Variants in CCDC171 observed in about 807,000 individuals in gnomAD.
CCDC171 encodes coiled-coil domain-containing protein 171.
In CCDC171, 177 loss-of-function variants were observed where a neutral mutation model predicts 168.2. The ratio of observed to expected loss-of-function variants is 1.05; its 90% confidence interval spans 0.93 to 1.19. CCDC171 has a LOEUF of 1.19. Ranked by LOEUF, CCDC171 falls within the 50% of genes most tolerant of loss-of-function variation. The pLI is 0.00. For synonymous variants in CCDC171, 687 were observed against 540.8 expected, an observed-to-expected ratio of 1.27 and a Z score of -3.75; for missense variants, 1,991 against 1,539.0, an observed-to-expected ratio of 1.29 and a Z score of -4.91.
intron 21 of CCDC171, among the ~76,000 whole-genome samples, chr9:15,825,518 G>T (rs914874887): frequency 1.3e-5 from 2 of 152,036 alleles, no homozygotes; most frequent in Non-Finnish European, 2.9e-5. Context: ...TTAATAAATT[G>T]GTCCAATGTC....
At chr9:15,645,068 A>T (rs2046928842) in intron 7 of CCDC171, among the ~76,000 whole-genome samples, 1 of 152,240 alleles carries the variant, frequency 6.6e-6, no homozygotes, top group African/African-American at 2.4e-5. Flanking sequence ...ATCAGGCAGC[A>T]ACATTGGCTG....
intron 4 of CCDC171, among the ~76,000 whole-genome samples, chr9:16,022,053 G>C (rs1833180194): frequency 6.6e-6 from 1 of 152,208 alleles, no homozygotes; most frequent in African/African-American, 2.4e-5. Context: ...GGAGAGAGAT[G>C]ATTTGGACAG....
chr9:16,104,618 A>G, the CCDC171 span, among the ~76,000 whole-genome samples: 2 of 152,056 alleles, frequency 1.3e-5, no homozygotes, highest in African/African-American at 2.4e-5. Flanking sequence ...CTGAAATTCC[A>G]TCATCCATCA....
chr9:15,587,617 A>G (rs187238953), intron 4 of CCDC171: 4 of 456,648 alleles, frequency 8.8e-6, no homozygotes, highest in East Asian at 6.9e-5. Flanking sequence ...AGGTTTCCCA[A>G]TAAATGAGCC....
At chr9:15,814,827 A>G (rs1422307587) in intron 21 of CCDC171, among the ~76,000 whole-genome samples, 1 of 152,220 alleles carries the variant, frequency 6.6e-6, no homozygotes, top group Non-Finnish European at 1.5e-5. Flanking sequence ...TTGAGCCTCT[A>G]CTATGTAAAA....
intron 16 of CCDC171, among the ~76,000 whole-genome samples, chr9:15,732,681 C>T (rs183244690): frequency 6.6e-6 from 1 of 152,082 alleles, no homozygotes; most frequent in East Asian, 1.9e-4. Context: ...AAATTTTATC[C>T]AAATACTTGC....
At chr9:15,885,579 C>G (rs1324599939) in intron 24 of CCDC171, 1 of 152,142 alleles carries the variant, frequency 6.6e-6, no homozygotes, top group Non-Finnish European at 1.5e-5. Flanking sequence ...GAAGGGTTAT[C>G]TACAAATGAG....
chr9:15,824,146 T>A (rs1236108552), intron 21 of CCDC171, among the ~76,000 whole-genome samples: 1 of 152,066 alleles, frequency 6.6e-6, no homozygotes, highest in African/African-American at 2.4e-5. Flanking sequence ...ACATGACATA[T>A]TGGCTTTTCA....
At position 16,030,035 on chromosome 9, in the gene CCDC171, C is replaced by T. The variant is rs554327474; in HGVS notation, n.999-5422C>T. Among the ~76,000 whole-genome samples the T allele has an allele frequency of 2.0e-5, 3 of 152,310 alleles. No individual in the cohort carries two copies. The South Asian group carries it at 6.2e-4, about 32-fold the overall frequency. Reference sequence around the variant, plus strand: ...GCACCTTTTGTTTGTGCTCACATGGCAGAAAGGCAAGAGGGCAAGGCGGCT... The same window carrying T: ...GCACCTTTTGTTTGTGCTCACATGGTAGAAAGGCAAGAGGGCAAGGCGGCT... On this transcript the variant is annotated intron_variant and non_coding_transcript_variant, in intron 6 of 9. Transcript: ENST00000486641.
At chr9:16,065,809 G>GGGGTGTGTGTGT (rs1554717490), downstream of CCDC171, among the ~76,000 whole-genome samples, 1 of 144,234 alleles carries the variant, frequency 6.9e-6, no homozygotes, top group African/African-American at 2.6e-5. Context: ...TTGTGTGCAT[G>GGGGTGTGTGTGT]GTGTGTGTGT....
At chr9:15,560,717 A>C (rs1243284058) in intron 1 of CCDC171, among the ~76,000 whole-genome samples, 1 of 152,134 alleles carries the variant, frequency 6.6e-6, no homozygotes, top group Non-Finnish European at 1.5e-5. Flanking sequence ...CCATCGTCTG[A>C]AGCCTTCTTC....
intron 3 of CCDC171, among the ~76,000 whole-genome samples, chr9:16,006,172 T>C (rs944902430): frequency 2.0e-5 from 3 of 152,168 alleles, no homozygotes; most frequent in African/African-American, 7.2e-5. Flanking sequence ...AAGAAGGTTC[T>C]AGACTGTTTG....
At chr9:16,072,651 C>T in the CCDC171 span, among the ~76,000 whole-genome samples, 1 of 152,158 alleles carries the variant, frequency 6.6e-6, no homozygotes, top group Non-Finnish European at 1.5e-5. Context: ...AGCCTCAACT[C>T]TTCTTGGGAC....
At position 15,709,121 on chromosome 9, in the gene CCDC171, C is replaced by A. The variant is rs187874932; in HGVS notation, c.1319-12648C>A. The stretch of plus-strand genomic sequence containing the variant: ...TAAAATTTAGAAGCTATTTGGCATC[C>A]ACAGTAGGCTACAAAAAGAAATGAC... On this transcript the variant is annotated intron_variant, in intron 11 of 25. Coordinates refer to ENST00000380701, the MANE Select transcript of CCDC171 (RefSeq NM_173550.4). Among the ~76,000 whole-genome samples, 33 of 152,120 alleles carry A rather than the reference C, an allele frequency of 2.2e-4. No homozygotes were observed. In the East Asian group the frequency reaches 5.2e-3, roughly 24 times the overall value.
At chr9:15,911,501 G>T (rs1286666294) in intron 24 of CCDC171, among the ~76,000 whole-genome samples, 1 of 152,136 alleles carries the variant, frequency 6.6e-6, no homozygotes, top group Non-Finnish European at 1.5e-5. Context: ...TAGGTTGCCT[G>T]TTCACTCTGA....
rs950943828 is a variant in CCDC171 at position 15,623,381 on chromosome 9, C to T, written c.790C>T (p.Gln264Ter). ...AACAAGTGAACTTGAATTTAGCACTCAACGAGAGGAACGCCTTAGAAAAGA... is the reference window on the plus strand; with the variant it reads ...AACAAGTGAACTTGAATTTAGCACTTAACGAGAGGAACGCCTTAGAAAAGA... ...RQTSELEFST[Q>*]REERLRKEFE... The change falls in exon 7 of 26, where the codon CAA becomes TAA. Residue 264 changes from glutamine to a stop codon, truncating the protein, a stop_gained. Coordinates refer to ENST00000380701, the MANE Select transcript of CCDC171 (RefSeq NM_173550.4). LOFTEE classifies it high-confidence loss of function. 6.2e-7 allele frequency: 1 copy of T among 1,610,854 alleles called. No homozygotes were observed. The highest frequency in any genetic ancestry group is 1.3e-5 in the African/African-American group (1 of 74,824).
intron 16 of CCDC171, among the ~76,000 whole-genome samples, chr9:15,742,528 G>C (rs2054949761): frequency 6.6e-6 from 1 of 152,170 alleles, no homozygotes; most frequent in South Asian, 2.1e-4. Flanking sequence ...TAAGAGGGTT[G>C]TCGCACATCC....
At position 16,034,603 on chromosome 9, in the gene CCDC171, C is replaced by T. The variant is rs551401657; in HGVS notation, n.999-854C>T. On this transcript the variant is annotated intron_variant and non_coding_transcript_variant, in intron 6 of 9. Transcript: ENST00000486641. ...TGTGACATAGTTGAGTTCTCTTGAA[C>T]GCCTCAAGGAAGCCTCCTGTCGTAG... Among the ~76,000 whole-genome samples the T allele has an allele frequency of 5.3e-5, 8 of 152,250 alleles. No homozygotes were observed. The South Asian group carries it at 6.2e-4, about 12-fold the overall frequency.
chr9:15,593,242 T>C (rs1479913236), intron 5 of CCDC171, among the ~76,000 whole-genome samples: 2 of 152,162 alleles, frequency 1.3e-5, no homozygotes, highest in East Asian at 3.8e-4. Context: ...AGAGGCTTTC[T>C]TTCTCTCGCA....
Sources: gnomAD v4.1 joint callset for allele counts (sites outside exome capture counted in the v4.1 genomes callset) on GRCh38, gnomAD v4.1.1 for gene constraint, MANE v1.5 for transcripts, NCBI Gene and HGNC (gene_info 2026-07-23, HGNC 2026-07-21) for gene names.